Variants in PLA2R1 observed in about 807,000 individuals in gnomAD.
The protein encoded by PLA2R1 is secretory phospholipase A2 receptor.
In PLA2R1, 158 loss-of-function variants were observed where a neutral mutation model predicts 195.9. The ratio of observed to expected loss-of-function variants is 0.81; its 90% CI spans 0.71 to 0.92. The LOEUF is 0.92. Ranked by LOEUF, PLA2R1 falls within the 40% of genes least tolerant of loss-of-function variation. PLA2R1 has a pLI of 0.00. For missense variants in PLA2R1, 1,626 were observed against 1,764.6 expected (o/e 0.92, Z 1.41); for synonymous variants, 586 against 598.2 (o/e 0.98, Z 0.30).
In PLA2R1 at chr2:159,979,810, T is replaced by C. The variant is rs369011879; in HGVS notation, c.2268+20A>G. 1.4e-4 allele frequency: 199 copies of C among 1,436,060 alleles called. 1 individual carries two copies. In the East Asian group the frequency reaches 1.4e-3, roughly 10 times the overall value. 89.0% of individuals were successfully genotyped at this position (1,436,060 alleles called of 1,614,324 possible). On this transcript the variant is annotated intron_variant, in intron 14 of 29. Transcript: ENST00000283243. ...ACTTGTTTTGAATCCATCCCTTTTC[T>C]CCAGTTTGAAAAGACTTACAGGAGT... is the stretch of plus-strand genomic sequence containing the variant.
chr2:159,942,141 G>T lies in PLA2R1; in HGVS notation c.4163C>A (p.Ala1388Glu), dbSNP rs761364386. Residue 1388 changes from alanine (A) to glutamate (E), a missense_variant, in exon 29 of 30, where the codon GCG becomes GAG. By Grantham distance (107) the Ala-to-Glu change is moderately radical (BLOSUM62 -1). Coordinates refer to ENST00000283243, the MANE Select transcript of PLA2R1 (RefSeq NM_007366.5). ...KMEADIHTAE[A>E]LPEKGPSHSI... ...TTCAAACGTACCTTTTTCTGGCAGC[G>T]CCTCTGCAGTGTGAATATCTAAAAT... 3.1e-6 allele frequency: 5 copies of T among 1,610,064 alleles called. No homozygotes were observed.
chr2:160,038,251 C>T (rs1227069816), intron 3 of PLA2R1, among the ~76,000 whole-genome samples: 1 of 151,976 alleles, frequency 6.6e-6, no homozygotes, highest in African/African-American at 2.4e-5. Flanking sequence ...ACAGGTCTAA[C>T]TGCTAAGGAA....
intron 1 of PLA2R1, among the ~76,000 whole-genome samples, chr2:160,053,204 T>G (rs1392963902): frequency 6.6e-6 from 1 of 152,164 alleles, no homozygotes; most frequent in Admixed American, 6.5e-5. Context: ...CATCTCTCTA[T>G]GCATATTTCT....
intron 11 of PLA2R1, among the ~76,000 whole-genome samples, chr2:159,999,698 G>C (rs1302173603): frequency 6.6e-6 from 1 of 152,116 alleles, no homozygotes; most frequent in Non-Finnish European, 1.5e-5. Flanking sequence ...TCATACAAAT[G>C]CCTTGTAAAA....
intron 1 of PLA2R1, among the ~76,000 whole-genome samples, chr2:160,054,668 C>T (rs1210064524): frequency 2.0e-5 from 3 of 152,180 alleles, no homozygotes; most frequent in Non-Finnish European, 4.4e-5. Context: ...ATATTCTAAT[C>T]ATAATTTTCT....
chr2:160,038,105 A>G (rs1392697750), intron 3 of PLA2R1, among the ~76,000 whole-genome samples: 1 of 152,256 alleles, frequency 6.6e-6, no homozygotes, highest in Non-Finnish European at 1.5e-5. Flanking sequence ...AAGAGGAGAC[A>G]GTGCCCTGAA....
intron 6 of PLA2R1, among the ~76,000 whole-genome samples, chr2:160,025,697 C>A (rs1693472747): frequency 7.4e-6 from 1 of 134,478 alleles, no homozygotes. Flanking sequence ...CAAAGGTAAA[C>A]AATAAGAGAG....
intron 1 of PLA2R1, among the ~76,000 whole-genome samples, chr2:160,055,659 G>C (rs928389529): frequency 6.6e-6 from 1 of 152,186 alleles, no homozygotes; most frequent in African/African-American, 2.4e-5. Context: ...CAGAGTGCTT[G>C]GTTCGAATCC....
In PLA2R1 at chr2:159,976,698, G is replaced by C. The variant is rs747969502; in HGVS notation, c.2424C>G (p.Phe808Leu). 6.2e-7 allele frequency: 1 copy of C among 1,608,428 alleles called. No individual in the cohort carries two copies. Among genetic ancestry groups the C allele is most frequent in the South Asian group, 1.1e-5 (1 of 90,962 alleles). The change falls in exon 16 of 30, where the codon TTC becomes TTG. Residue 808 changes from phenylalanine (F) to leucine (L), a missense_variant. Coordinates refer to ENST00000283243, the MANE Select transcript of PLA2R1 (RefSeq NM_007366.5). ...IPRDVKPKIP[F>L]WYQYDVPWLF... ...AGTCATTCTTACCGTACTGGTACCA[G>C]AACGGAATCTTGGGTTTCACATCTG...
rs1244549840 is a variant in PLA2R1, at chr2:160,009,264, T to C, written c.1665-3443A>G. The stretch of plus-strand genomic sequence containing the variant: ...AAGGGTATTTGTACATTCATGTTCA[T>C]GGTAGCATTAGTCACAATAGCCAAA... On this transcript the variant is annotated intron_variant, in intron 10 of 29. Transcript: ENST00000283243. Among the ~76,000 whole-genome samples, 4 of 152,246 alleles carry C rather than the reference T, an allele frequency of 2.6e-5. No individual in the cohort carries two copies. In the East Asian group the frequency reaches 7.7e-4, roughly 29 times the overall value.
chr2:160,055,560 C>T (rs1472318639), intron 1 of PLA2R1, among the ~76,000 whole-genome samples: 4 of 152,184 alleles, frequency 2.6e-5, no homozygotes, highest in African/African-American at 9.7e-5. Flanking sequence ...TGCTGTGAAA[C>T]CAAATCGCAT....
chr2:160,006,926 A>AG (rs372501628), intron 10 of PLA2R1, among the ~76,000 whole-genome samples: 3 of 146,394 alleles, frequency 2.0e-5, no homozygotes, highest in Non-Finnish European at 3.0e-5. Context: ...AGAGAAAAGA[A>AG]TAAAAAGAAG....
chr2:159,931,495 GACA>G (rs1405507607), downstream of PLA2R1, among the ~76,000 whole-genome samples: 1 of 152,154 alleles, frequency 6.6e-6, no homozygotes. Context: ...TATTGAGCAA[GACA>G]ACTACAGATA....
the PLA2R1 span, among the ~76,000 whole-genome samples, chr2:159,924,729 TGGG>T: frequency 8.5e-6 from 1 of 117,406 alleles, no homozygotes; most frequent in Non-Finnish European, 1.7e-5. Context: ...CTCTGGGGGC[TGGG>T]GGGGGGGCGG....
chr2:159,960,419 C>T (rs367573989), intron 20 of PLA2R1, among the ~76,000 whole-genome samples: 2 of 152,034 alleles, frequency 1.3e-5, no homozygotes, highest in African/African-American at 4.8e-5. Context: ...CCACTGAATT[C>T]CCGACATCGA....
intron 9 of PLA2R1, among the ~76,000 whole-genome samples, chr2:160,014,316 G>A (rs556512035): frequency 6.7e-6 from 1 of 149,232 alleles, no homozygotes; most frequent in African/African-American, 2.5e-5. Flanking sequence ...TTGGCACTCA[G>A]ACAAAAATGA....
chr2:160,025,581 C>T lies in PLA2R1; in HGVS notation c.1099+2637G>A, dbSNP rs1573922688. Among the ~76,000 whole-genome samples the T allele has an allele frequency of 5.6e-5, 3 of 53,554 alleles. No homozygotes were observed. In the Admixed American group the frequency reaches 8.2e-4, roughly 15 times the overall value. 35.1% of individuals were successfully genotyped at this position (53,554 alleles called of 152,430 possible). A position where few individuals can be genotyped will look rare whatever the true frequency, so the allele number is the denominator to read the frequency against. On this transcript the variant is annotated intron_variant, in intron 6 of 29. Coordinates refer to ENST00000283243, the MANE Select transcript of PLA2R1 (RefSeq NM_007366.5). ...TGTTTTATGTAAGCCACATGGTAAC[C>T]ATAAAGCAAAAAAAAAAAAAAAAAA...
intron 11 of PLA2R1, among the ~76,000 whole-genome samples, chr2:159,995,294 C>A (rs1319760216): frequency 6.6e-6 from 1 of 151,952 alleles, no homozygotes; most frequent in Non-Finnish European, 1.5e-5. Flanking sequence ...ATTATTTTTG[C>A]TTTAGGGAAA....
chr2:159,996,587 T>C (rs1299543961), intron 11 of PLA2R1, among the ~76,000 whole-genome samples: 2 of 152,122 alleles, frequency 1.3e-5, no homozygotes, highest in African/African-American at 4.8e-5. Flanking sequence ...GTGTCTGATA[T>C]TAACTTGGGG....
Sources: gnomAD v4.1 joint callset for allele counts (sites outside exome capture counted in the v4.1 genomes callset) on GRCh38, gnomAD v4.1.1 for gene constraint, MANE v1.5 for transcripts, NCBI Gene and HGNC (gene_info 2026-07-23, HGNC 2026-07-21) for gene names.